BARD1: variants seen among roughly 807,000 people sequenced by gnomAD.
The protein encoded by BARD1 is BRCA1-associated RING domain protein 1.
BARD1 carries 73 observed loss-of-function variants against 77.0 expected under a neutral mutation model. The ratio of observed to expected loss-of-function variants is 0.95; its 90% CI spans 0.79 to 1.15. The LOEUF is 1.15. BARD1 is among the 50% of genes most tolerant of loss of function. The pLI, the probability that BARD1 is intolerant of heterozygous loss-of-function variation, is 0.00. For missense variants in BARD1, 993 were observed against 938.8 expected (o/e 1.06, Z -0.75); for synonymous variants, 384 against 338.0 (o/e 1.14, Z -1.49).
intron 3 of BARD1, among the ~76,000 whole-genome samples, chr2:214,788,075 A>C (rs4673900): frequency 6.6e-6 from 1 of 152,022 alleles, no homozygotes; most frequent in East Asian, 1.9e-4. Context: ...TATTATAAAA[A>C]AGTCATAGCA....
intron 3 of BARD1, among the ~76,000 whole-genome samples, chr2:214,782,309 CT>C (rs1695078572): frequency 6.6e-6 from 1 of 152,012 alleles, no homozygotes. Flanking sequence ...ACAGTCAAAA[CT>C]GATTTAATGT....
intron 6 of BARD1, among the ~76,000 whole-genome samples, chr2:214,764,965 A>G (rs1463436158): frequency 6.6e-6 from 1 of 152,050 alleles, no homozygotes; most frequent in South Asian, 2.1e-4. Context: ...CTGCCCTACT[A>G]TCCTTTATCC....
In BARD1 at chr2:214,768,925, C is replaced by T. The variant is rs147911002; in HGVS notation, c.1395+307G>A. ...CAAGAAATTTGGTTCCAGTGACATG[C>T]AGTGCTACAGAATGGAGCCTGATGT... On this transcript the variant is annotated intron_variant, in intron 5 of 10. Transcript: ENST00000260947. Among the ~76,000 whole-genome samples the T allele has an allele frequency of 9.3e-3, 1,419 of 152,278 alleles. 20 individuals carry two copies. Among genetic ancestry groups the T allele is most frequent in the African/African-American group, 0.033 (1,369 of 41,546 alleles).
At chr2:214,739,771 T>C (rs1559381446) in intron 9 of BARD1, among the ~76,000 whole-genome samples, 1 of 152,138 alleles carries the variant, frequency 6.6e-6, no homozygotes, top group Non-Finnish European at 1.5e-5. Flanking sequence ...TCTGGCTCCA[T>C]ATAAATATCA....
intron 1 of BARD1, among the ~76,000 whole-genome samples, chr2:214,804,792 C>T (rs1696190535): frequency 6.6e-6 from 1 of 152,178 alleles, no homozygotes; most frequent in South Asian, 2.1e-4. Context: ...CTTTACCCTA[C>T]AATTCTTTAT....
rs569402727 is a variant in BARD1, at chr2:214,795,967, T to C, written c.215+1094A>G. On this transcript the variant is annotated intron_variant, in intron 2 of 10. Transcript: ENST00000260947. ...CAGATCTGTTTTTCCAGGAACAAAA[T>C]TGGGACCCAAAACATAGCTGCCTCC... 1.5e-4 allele frequency among the ~76,000 whole-genome samples: 23 copies of C among 152,208 alleles called. No individual in the cohort carries two copies. The South Asian group carries it at 3.7e-3, about 25-fold the overall frequency.
chr2:214,763,289 C>A (rs1694045206), intron 6 of BARD1, among the ~76,000 whole-genome samples: 1 of 152,160 alleles, frequency 6.6e-6, no homozygotes, highest in Admixed American at 6.5e-5. Context: ...GACTTTCATA[C>A]TACTGTGAGC....
At position 214,728,552 on chromosome 2, in the gene BARD1, T is replaced by TTA. The variant is rs58253676; in HGVS notation, c.*123_*124insTA. 12 of 911,156 alleles carry TTA rather than the reference T, an allele frequency of 1.3e-5. No homozygotes were observed. Among genetic ancestry groups the TTA allele is most frequent in the Non-Finnish European group, 1.9e-5 (12 of 619,386 alleles). The allele number at this position is 911,156 out of a possible 1,614,324, so 56.4% of individuals were successfully genotyped here. A position where few individuals can be genotyped will look rare whatever the true frequency, so the allele number is the denominator to read the frequency against. ...TGGCATTAGACTTTTTTTTTTTTTT[T>TTA]GATTCAAAGACAAATATGAATGACT... On this transcript the variant is annotated 3_prime_UTR_variant, in exon 11 of 11. Coordinates refer to ENST00000260947, the MANE Select transcript of BARD1 (RefSeq NM_000465.4).
chr2:214,765,263 C>T (rs1039769269), intron 6 of BARD1, among the ~76,000 whole-genome samples: 11 of 152,114 alleles, frequency 7.2e-5, no homozygotes. Flanking sequence ...CTAGGTAGTC[C>T]TACTTAAACC....
intron 9 of BARD1, among the ~76,000 whole-genome samples, chr2:214,735,501 AAC>A (rs1020713476): frequency 1.7e-4 from 26 of 152,190 alleles, no homozygotes; most frequent in Admixed American, 1.7e-3. Context: ...AAAACTCACA[AAC>A]ACAGAATCCA....
chr2:214,776,932 G>T (rs908719852), intron 4 of BARD1, among the ~76,000 whole-genome samples: 1 of 152,008 alleles, frequency 6.6e-6, no homozygotes, highest in Non-Finnish European at 1.5e-5. Context: ...AGAGGACCAC[G>T]AACTAAAGGA....
At chr2:214,774,194 G>C (rs959109733) in intron 4 of BARD1, among the ~76,000 whole-genome samples, 1 of 152,062 alleles carries the variant, frequency 6.6e-6, no homozygotes, top group African/African-American at 2.4e-5. Context: ...ACCTCTCAAA[G>C]TCATCCATGA....
chr2:214,767,127 C>T (rs115891745), intron 6 of BARD1, among the ~76,000 whole-genome samples: 7,925 of 152,236 alleles, frequency 0.052, 229 homozygotes, highest in Admixed American at 0.084. Flanking sequence ...CCTCCAGCTC[C>T]ATCATGTGCC....
intron 4 of BARD1, among the ~76,000 whole-genome samples, chr2:214,770,055 C>T (rs1694407077): frequency 6.6e-6 from 1 of 152,254 alleles, no homozygotes; most frequent in Non-Finnish European, 1.5e-5. Context: ...CAAAAACTGC[C>T]ATTTTATTGG....
At chr2:214,770,833 CTTTTT>C (rs552420126) in intron 4 of BARD1, among the ~76,000 whole-genome samples, 1 of 152,126 alleles carries the variant, frequency 6.6e-6, no homozygotes, top group Non-Finnish European at 1.5e-5. Flanking sequence ...TCCCACTCTT[CTTTTT>C]TATTTTCCTA....
In BARD1 at chr2:214,793,055, G is replaced by A. The variant is rs985054949; in HGVS notation, c.216-610C>T. ...TACTCATGTAAAAAGAGGGATTCACGATCCCCCCCACAAGCCCATCTGTGA... is the reference window on the plus strand; with the variant it reads ...TACTCATGTAAAAAGAGGGATTCACAATCCCCCCCACAAGCCCATCTGTGA... On this transcript the variant is annotated intron_variant, in intron 2 of 10. Transcript: ENST00000260947. 4.1e-4 allele frequency among the ~76,000 whole-genome samples: 62 copies of A among 152,008 alleles called. 1 individual carries two copies. The highest frequency in any genetic ancestry group is 1.4e-3 in the African/African-American group (56 of 41,356).
intron 1 of BARD1, among the ~76,000 whole-genome samples, chr2:214,798,495 C>A (rs13405613): frequency 0.026 from 3,998 of 152,220 alleles, 175 homozygotes; most frequent in African/African-American, 0.092. Flanking sequence ...CTCCTCCTAT[C>A]ATAATATCCT....
intron 5 of BARD1, among the ~76,000 whole-genome samples, 186 bp downstream of exon 5, chr2:214,769,046 T>C (rs1694348306): frequency 1.3e-5 from 2 of 152,208 alleles, no homozygotes; most frequent in Admixed American, 6.5e-5. Flanking sequence ...AGGTAACCAA[T>C]TTCTTGCCTG....
chr2:214,760,737 G>A (rs1336313652), intron 6 of BARD1, among the ~76,000 whole-genome samples: 2 of 151,114 alleles, frequency 1.3e-5, no homozygotes, highest in African/African-American at 4.9e-5. Context: ...CAGATAAAAC[G>A]TCAAAATAGG....
Sources: allele counts gnomAD v4.1 joint callset (sites outside exome capture counted in the v4.1 genomes callset), GRCh38; gene constraint gnomAD v4.1.1; transcripts MANE v1.5; gene names NCBI Gene and HGNC (gene_info 2026-07-23, HGNC 2026-07-21).